MAST2: variants seen among roughly 807,000 people sequenced by gnomAD.
The protein encoded by MAST2 is microtubule-associated serine/threonine-protein kinase 2.
A neutral mutation model predicts 147.4 loss-of-function variants in MAST2; 70 were observed. The ratio of observed to expected loss-of-function variants is 0.47; its 90% CI spans 0.39 to 0.58. The LOEUF is 0.58. MAST2 is among the 20% of genes least tolerant of loss of function. The probability of loss-of-function intolerance (pLI) is 0.00; values close to 1 mark genes in which losing one functional copy is unlikely to be tolerated. For missense variants in MAST2, 2,080 were observed against 2,302.3 expected (o/e 0.90, Z 1.98); for synonymous variants, 869 against 896.8 (o/e 0.97, Z 0.55).
intron 4 of MAST2, among the ~76,000 whole-genome samples, chr1:45,910,003 G>A (rs932272850): frequency 6.6e-6 from 1 of 152,158 alleles, no homozygotes; most frequent in Non-Finnish European, 1.5e-5. Flanking sequence ...GGGATTACAG[G>A]CATGAGCCAC....
chr1:46,023,106 C>CT lies in MAST2; in HGVS notation c.1486-126dup. On this transcript the variant is annotated intron_variant, in intron 13 of 28. Coordinates refer to ENST00000361297, the MANE Select transcript of MAST2 (RefSeq NM_015112.3). The surrounding 1 kb of genome is among the most constrained non-coding windows in gnomAD (Gnocchi z 4.9). ...CAGCAAACACTGAGAAGTCATTCTACTCCCAGAAGAATGAGCAGGAGACTG... is the reference window on the plus strand; with the variant it reads ...CAGCAAACACTGAGAAGTCATTCTACTTCCCAGAAGAATGAGCAGGAGACTG... 8.4e-7 allele frequency: 1 copy of CT among 1,191,696 alleles called. No individual in the cohort carries two copies. Among genetic ancestry groups the CT allele is most frequent in the Non-Finnish European group, 1.2e-6 (1 of 802,498 alleles). 73.8% of individuals were successfully genotyped at this position (1,191,696 alleles called of 1,614,324 possible).
intron 5 of MAST2, among the ~76,000 whole-genome samples, chr1:45,997,217 G>A (rs756693184): frequency 6.6e-6 from 1 of 152,170 alleles, no homozygotes; most frequent in East Asian, 1.9e-4. Flanking sequence ...CTATCTTAAG[G>A]TTTACTACTA....
At chr1:45,870,391 T>C (rs1226801915) in intron 3 of MAST2, among the ~76,000 whole-genome samples, 1 of 152,120 alleles carries the variant, frequency 6.6e-6, no homozygotes, top group Non-Finnish European at 1.5e-5. Flanking sequence ...ATTCAGTTTT[T>C]TAAAATGCTC....
chr1:45,856,455 C>T (rs1012724989), intron 3 of MAST2, among the ~76,000 whole-genome samples: 1 of 152,176 alleles, frequency 6.6e-6, no homozygotes, highest in Admixed American at 6.5e-5. Flanking sequence ...TATTTGCAGT[C>T]ACACACGCAG....
chr1:46,013,357 A>G lies in MAST2; in HGVS notation c.1188+2418A>G, dbSNP rs146349015. 2.8e-4 allele frequency among the ~76,000 whole-genome samples: 43 copies of G among 152,278 alleles called. 1 individual carries two copies. The highest frequency in any genetic ancestry group is 6.8e-3 in the Middle Eastern group (2 of 294). On this transcript the variant is annotated intron_variant, in intron 10 of 28. Transcript: ENST00000361297. Reference sequence around the variant, plus strand: ...AAACATTGACTGACATCTGCTGTATAGGAGGCATTCTGCTAGGCTTAGCAT... The same window carrying G: ...AAACATTGACTGACATCTGCTGTATGGGAGGCATTCTGCTAGGCTTAGCAT...
chr1:45,937,751 C>CAAAAAAA lies in MAST2; in HGVS notation c.501-21610_501-21604dup, dbSNP rs34830747. Among the ~76,000 whole-genome samples, 60 of 73,214 alleles carry CAAAAAAA rather than the reference C, an allele frequency of 8.2e-4. 1 individual carries two copies. Among genetic ancestry groups the CAAAAAAA allele is most frequent in the African/African-American group, 3.2e-3 (58 of 18,402 alleles). 48.0% of individuals were successfully genotyped at this position (73,214 alleles called of 152,430 possible). A position where few individuals can be genotyped will look rare whatever the true frequency, so the allele number is the denominator to read the frequency against. On this transcript the variant is annotated intron_variant, in intron 4 of 28. Coordinates refer to ENST00000361297, the MANE Select transcript of MAST2 (RefSeq NM_015112.3). ...TGGGAGACAGAGTGAAACTCCATCTCAAAAAAAAAAAAAAAAAAAAAAAAA... is the reference window on the plus strand; with the variant it reads ...TGGGAGACAGAGTGAAACTCCATCTCAAAAAAAAAAAAAAAAAAAAAAAAAAAAAAAA...
intron 16 of MAST2, among the ~76,000 whole-genome samples, chr1:46,026,893 C>T (rs748271541): frequency 1.3e-5 from 2 of 152,194 alleles, no homozygotes; most frequent in Non-Finnish European, 2.9e-5. Flanking sequence ...GTTTCCCTGA[C>T]CCTCACGTTC....
At position 46,032,674 on chromosome 1, in the gene MAST2, G is replaced by A; in HGVS notation, c.3493G>A (p.Val1165Met). 4.3e-6 allele frequency: 7 copies of A among 1,614,240 alleles called. No homozygotes were observed. Among genetic ancestry groups the A allele is most frequent in the Non-Finnish European group, 5.9e-6 (7 of 1,180,040 alleles). The stretch of plus-strand genomic sequence containing the variant: ...CATCACCCATGTCAATGGGGAACCT[G>A]TGCATGGCCTGGTGCACACGGAGGT... ...DLITHVNGEP[V>M]HGLVHTEVVE... Residue 1165 changes from valine (V) to methionine (M), a missense_variant, in exon 26 of 29, where the codon GTG becomes ATG. By Grantham distance (21) the Val-to-Met change is conservative. Transcript: ENST00000361297.
intron 7 of MAST2, 77 bp from the exon 8 acceptor site, chr1:46,006,164 C>G (rs955067187): frequency 2.1e-6 from 3 of 1,419,742 alleles, no homozygotes; most frequent in Non-Finnish European, 2.9e-6. Flanking sequence ...GTTCCCTGAC[C>G]ATTTTCAGTC....
At chr1:45,847,582 A>C (rs573027206) in intron 3 of MAST2, 1 of 802,508 alleles carries the variant, frequency 1.2e-6, no homozygotes, top group East Asian at 3.6e-5. Context: ...CCCATCCTGC[A>C]CTTTTTCCCT....
rs1646851490 is a variant in MAST2, at chr1:46,035,201, G to A, written c.4532G>A (p.Gly1511Glu). The change falls in exon 29 of 29, where the codon GGG becomes GAG. Residue 1511 changes from glycine to glutamate, a missense_variant. This residue lies in a region of MAST2 where 1,278 missense variants were observed against 1,304.2 expected (regional missense o/e 0.98). Transcript: ENST00000361297. This position sits in a 1 kb window ranked among gnomAD's most constrained non-coding sequence, Gnocchi z 5.5. The stretch of plus-strand genomic sequence containing the variant: ...TCCTCAGAGGACGACACCGAGGAAG[G>A]GCCTGAGAACAGCCAGGGTGCACAG... ...VDSSEDDTEE[G>E]PENSQGAQEL... 1.2e-6 allele frequency: 2 copies of A among 1,614,050 alleles called. No homozygotes were observed. The highest frequency in any genetic ancestry group is 1.7e-6 in the Non-Finnish European group (2 of 1,180,028).
At chr1:45,837,888 C>T (rs1337980602) in intron 3 of MAST2, among the ~76,000 whole-genome samples, 1 of 152,088 alleles carries the variant, frequency 6.6e-6, no homozygotes, top group Non-Finnish European at 1.5e-5. Flanking sequence ...AAGCCATTCT[C>T]CTCCCTCAGC....
At chr1:45,860,768 G>A (rs1300867816) in intron 3 of MAST2, among the ~76,000 whole-genome samples, 1 of 151,904 alleles carries the variant, frequency 6.6e-6, no homozygotes, top group African/African-American at 2.4e-5. Flanking sequence ...GGAGGCAGAG[G>A]TTGTAGTGAG....
At position 46,033,980 on chromosome 1, in the gene MAST2, G is replaced by A. The variant is rs1267708909; in HGVS notation, c.3674+42G>A. 4.3e-6 allele frequency: 7 copies of A among 1,611,664 alleles called. No individual in the cohort carries two copies. The African/African-American group carries it at 8.0e-5, about 18-fold the overall frequency. ...GAAGAGGGTTTTCTCTGAGCCACAT[G>A]AGTGCTGGTACGTGGTGGGTGCCTT... On this transcript the variant is annotated intron_variant, in intron 27 of 28. Coordinates refer to ENST00000361297, the MANE Select transcript of MAST2 (RefSeq NM_015112.3).
chr1:45,856,001 GATTGATCTTGAAT>G (rs1333325661), intron 3 of MAST2, among the ~76,000 whole-genome samples: 2 of 152,136 alleles, frequency 1.3e-5, no homozygotes, highest in Admixed American at 1.3e-4. Flanking sequence ...GTTTAACTTG[GATTGATCTTGAAT>G]ATTGATCTTG....
At chr1:46,028,971 T>C in intron 18 of MAST2, 38 bp downstream of exon 18, 1 of 1,524,970 alleles carries the variant, frequency 6.6e-7, no homozygotes, top group Non-Finnish European at 8.8e-7. Context: ...GGAAACAGAG[T>C]CTGAATCCAC....
chr1:45,991,679 A>G lies in MAST2; in HGVS notation c.593-6045A>G, dbSNP rs1212187966. Among the ~76,000 whole-genome samples the G allele has an allele frequency of 1.3e-5, 2 of 152,152 alleles. 1 individual carries two copies. Among genetic ancestry groups the G allele is most frequent in the South Asian group, 4.1e-4 (2 of 4,826 alleles). Reference sequence around the variant, plus strand: ...CAAATTCTGATTATTCATTTCTGGTATAAAGGGACACAATTGACTTTTTAA... The same window carrying G: ...CAAATTCTGATTATTCATTTCTGGTGTAAAGGGACACAATTGACTTTTTAA... On this transcript the variant is annotated intron_variant, in intron 5 of 28. Coordinates refer to ENST00000361297, the MANE Select transcript of MAST2 (RefSeq NM_015112.3).
intron 6 of MAST2, among the ~76,000 whole-genome samples, chr1:46,001,887 T>C (rs1263264146): frequency 5.3e-5 from 8 of 152,204 alleles, no homozygotes; most frequent in Non-Finnish European, 8.8e-5. Context: ...TATGAACTTA[T>C]AAAGATCCTC....
intron 21 of MAST2, 113 bp from the exon 22 acceptor site, chr1:46,030,494 G>A (rs1646604811): frequency 1.6e-6 from 2 of 1,271,776 alleles, no homozygotes; most frequent in Non-Finnish European, 2.2e-6. Context: ...GTGTGAAGGA[G>A]GGATGGAACC....
Sources: gnomAD v4.1 joint callset for allele counts (sites outside exome capture counted in the v4.1 genomes callset) on GRCh38, gnomAD v4.1.1 for gene constraint, gnomAD v4.1.1 regional missense constraint, Gnocchi (gnomAD v3.1) non-coding constraint, MANE v1.5 for transcripts, NCBI Gene and HGNC (gene_info 2026-07-23, HGNC 2026-07-21) for gene names.